Variants in PPP2R2B observed in about 807,000 individuals in gnomAD.
PPP2R2B encodes the protein serine/threonine-protein phosphatase 2A 55 kDa regulatory subunit B beta isoform.
A neutral mutation model predicts 46.0 loss-of-function variants in PPP2R2B; 5 were observed. That is an observed-to-expected ratio of 0.11 (90% CI 0.06 to 0.23). PPP2R2B has a LOEUF of 0.23. Ranked by LOEUF, PPP2R2B falls within the 10% of genes least tolerant of loss-of-function variation. PPP2R2B has a pLI of 1.00. For missense variants in PPP2R2B, 367 were observed against 575.0 expected, an observed-to-expected ratio of 0.64 and a Z score of 3.70; for synonymous variants, 215 against 206.7, an observed-to-expected ratio of 1.04 and a Z score of -0.34.
At chr5:146,840,675 C>G (rs939630890) in intron 2 of PPP2R2B, among the ~76,000 whole-genome samples, 2 of 152,180 alleles carry the variant, frequency 1.3e-5, no homozygotes, top group African/African-American at 4.8e-5. Flanking sequence ...TCTATTTTGA[C>G]TCCAATTTGT....
chr5:146,665,007 T>C (rs1162686465), intron 5 of PPP2R2B, among the ~76,000 whole-genome samples: 4 of 3,848 alleles, frequency 1.0e-3, no homozygotes, highest in Non-Finnish European at 1.9e-3. Flanking sequence ...TGTAAACAGA[T>C]GTGCTCTATT....
At chr5:146,594,358 T>C (rs527842907) in intron 8 of PPP2R2B, among the ~76,000 whole-genome samples, 10 of 152,186 alleles carry the variant, frequency 6.6e-5, no homozygotes, top group Non-Finnish European at 1.3e-4. Flanking sequence ...TCATCAAGCA[T>C]AGTTGAATAT....
chr5:146,963,520 T>G (rs1752272219), intron 1 of PPP2R2B, among the ~76,000 whole-genome samples: 1 of 152,214 alleles, frequency 6.6e-6, no homozygotes, highest in Non-Finnish European at 1.5e-5. Flanking sequence ...TGCAGAACAC[T>G]TAATTGAACA....
chr5:146,784,327 A>G (rs1246126647), intron 2 of PPP2R2B, among the ~76,000 whole-genome samples: 3 of 152,242 alleles, frequency 2.0e-5, no homozygotes, highest in Non-Finnish European at 2.9e-5. Flanking sequence ...ATTCTTACAT[A>G]TTTAAAAAAT....
intron 2 of PPP2R2B, among the ~76,000 whole-genome samples, chr5:146,877,030 G>A (rs748210705): frequency 2.0e-5 from 3 of 152,072 alleles, no homozygotes; most frequent in African/African-American, 7.2e-5. Flanking sequence ...ACATTTTCTC[G>A]CATGGATATT....
intron 1 of PPP2R2B, among the ~76,000 whole-genome samples, chr5:146,946,758 C>T (rs900104412): frequency 6.6e-6 from 1 of 152,142 alleles, no homozygotes; most frequent in African/African-American, 2.4e-5. Context: ...TGTAAATGCT[C>T]AATTCATGCC....
chr5:146,837,415 C>T (rs1468446483), intron 2 of PPP2R2B, among the ~76,000 whole-genome samples: 1 of 152,028 alleles, frequency 6.6e-6, no homozygotes, highest in Non-Finnish European at 1.5e-5. Flanking sequence ...GGATACAAAC[C>T]TGTGGTAAGT....
At chr5:146,609,023 C>CA (rs1012438223) in intron 7 of PPP2R2B, among the ~76,000 whole-genome samples, 6 of 152,132 alleles carry the variant, frequency 3.9e-5, no homozygotes, top group South Asian at 4.2e-4. Context: ...CAAAAATCCT[C>CA]AAAAAAATAC....
chr5:146,856,679 C>A, intron 2 of PPP2R2B: 2 of 813,632 alleles, frequency 2.5e-6, no homozygotes, highest in South Asian at 1.5e-5. Context: ...TTCCACATAC[C>A]CCCTACCATC....
At chr5:146,918,787 A>G (rs1305289746) in intron 1 of PPP2R2B, among the ~76,000 whole-genome samples, 2 of 152,060 alleles carry the variant, frequency 1.3e-5, no homozygotes, top group Non-Finnish European at 2.9e-5. Flanking sequence ...ACCTCCCTTT[A>G]AGACCTTACT....
At position 146,584,883 on chromosome 5, in the gene PPP2R2B, A is replaced by G. The variant is rs1770064704; in HGVS notation, c.*5064T>C. ...TGGATTTTGCTTCATATTCTGGTAT[A>G]TGTTGGTCTACCTATTGGAAACGCT... On this transcript the variant is annotated 3_prime_UTR_variant, in exon 10 of 10. Transcript: ENST00000394411. 1 of 152,156 alleles carries G rather than the reference A, an allele frequency of 6.6e-6. No homozygotes were observed. 9.4% of individuals were successfully genotyped at this position (152,156 alleles called of 1,614,324 possible).
intron 6 of PPP2R2B, among the ~76,000 whole-genome samples, chr5:146,649,383 G>A (rs1775795077): frequency 6.6e-6 from 1 of 151,744 alleles, no homozygotes; most frequent in Non-Finnish European, 1.5e-5. Flanking sequence ...TCAACATAGT[G>A]GGGGTGAAAA....
At chr5:146,935,046 T>A (rs1764096273) in intron 1 of PPP2R2B, among the ~76,000 whole-genome samples, 1 of 152,226 alleles carries the variant, frequency 6.6e-6, no homozygotes, top group African/African-American at 2.4e-5. Flanking sequence ...TATTAGTTTC[T>A]AGGCATTGAA....
At chr5:146,946,958 CAA>C (rs1405169092) in intron 1 of PPP2R2B, among the ~76,000 whole-genome samples, 1 of 151,870 alleles carries the variant, frequency 6.6e-6, no homozygotes, top group East Asian at 1.9e-4. Flanking sequence ...TCAAGAAAGC[CAA>C]AGTCAAGGCT....
chr5:146,847,201 G>A (rs1760061759), intron 2 of PPP2R2B, among the ~76,000 whole-genome samples: 1 of 152,142 alleles, frequency 6.6e-6, no homozygotes, highest in African/African-American at 2.4e-5. Flanking sequence ...CAGTGTAAAA[G>A]TCTTACATGC....
chr5:146,802,233 T>C (rs1392817622), intron 2 of PPP2R2B, among the ~76,000 whole-genome samples: 1 of 152,198 alleles, frequency 6.6e-6, no homozygotes, highest in East Asian at 1.9e-4. Flanking sequence ...TTGCTTTCCC[T>C]GCTCTCTCTA....
intron 1 of PPP2R2B, among the ~76,000 whole-genome samples, chr5:146,926,132 G>C (rs2151818253): frequency 6.6e-6 from 1 of 151,952 alleles, no homozygotes; most frequent in Admixed American, 6.6e-5. Context: ...CGAATATTTG[G>C]TAACACAGAG....
In PPP2R2B at chr5:146,810,348, A is replaced by G. The variant is rs570649694; in HGVS notation, c.70+67654T>C. Reference sequence around the variant, plus strand: ...AAGACAATGAGAGCCGAGTGAAAGGAGTTTCCCGTTATAAAACCATCAGAT... The same window carrying G: ...AAGACAATGAGAGCCGAGTGAAAGGGGTTTCCCGTTATAAAACCATCAGAT... On this transcript the variant is annotated intron_variant, in intron 2 of 9. Transcript: ENST00000394411. Among the ~76,000 whole-genome samples, 3 of 152,296 alleles carry G rather than the reference A, an allele frequency of 2.0e-5. No individual in the cohort carries two copies. In the South Asian group the frequency reaches 6.2e-4, roughly 32 times the overall value.
rs558418971 is a variant in PPP2R2B at position 146,792,037 on chromosome 5, A to G, written c.70+85965T>C. ...TTAGGAGATGTTTCCTAAGGATTTA[A>G]GGAGATGTGGAACCCTGCACTATGG... On this transcript the variant is annotated intron_variant, in intron 2 of 9. Transcript: ENST00000394411. 2.4e-4 allele frequency among the ~76,000 whole-genome samples: 37 copies of G among 152,322 alleles called. No individual in the cohort carries two copies. In the South Asian group the frequency reaches 7.5e-3, roughly 31 times the overall value.
Sources: gnomAD v4.1 joint callset for allele counts (sites outside exome capture counted in the v4.1 genomes callset) on GRCh38, gnomAD v4.1.1 for gene constraint, MANE v1.5 for transcripts, NCBI Gene and HGNC (gene_info 2026-07-23, HGNC 2026-07-21) for gene names.